Variants in KLHL20 observed in about 807,000 individuals in gnomAD.
KLHL20 encodes kelch-like protein 20.
Under a neutral mutation model 69.5 loss-of-function variants are expected in KLHL20, and 29 were observed. That is an observed-to-expected ratio of 0.42 (90% CI 0.31 to 0.57). The LOEUF is 0.57. KLHL20 is among the 20% of genes least tolerant of loss of function. The probability of loss-of-function intolerance (pLI) is 0.18; values close to 1 mark genes in which losing one functional copy is unlikely to be tolerated. For synonymous variants in KLHL20, 253 were observed against 265.2 expected, an observed-to-expected ratio of 0.95 and a Z score of 0.45; for missense variants, 419 against 776.0, an observed-to-expected ratio of 0.54 and a Z score of 5.47.
At chr1:173,715,881 G>A (rs1440826819) in intron 1 of KLHL20, 122 bp from the exon 2 acceptor site, 7 of 642,760 alleles carry the variant, frequency 1.1e-5, no homozygotes, top group Non-Finnish European at 1.9e-5. Flanking sequence ...CAGAAGGCCT[G>A]TGGTATAATA....
In KLHL20 at chr1:173,753,069, A is replaced by T. The variant is rs1443913287; in HGVS notation, c.757-144A>T. On this transcript the variant is annotated intron_variant, in intron 4 of 11. Coordinates refer to ENST00000209884, the MANE Select transcript of KLHL20 (RefSeq NM_014458.4). Reference sequence around the variant, plus strand: ...GCACTTGTAGTTGCAGCTACTCTGGAGGCTGAGGTAGGCACATCACTTGAG... The same window carrying T: ...GCACTTGTAGTTGCAGCTACTCTGGTGGCTGAGGTAGGCACATCACTTGAG... The T allele has an allele frequency of 5.0e-6, 3 of 602,488 alleles. No homozygotes were observed. In the African/African-American group the frequency reaches 5.6e-5, roughly 11 times the overall value. The allele number at this position is 602,488 out of a possible 1,614,324, so 37.3% of individuals were successfully genotyped here. A position where few individuals can be genotyped will look rare whatever the true frequency, so the allele number is the denominator to read the frequency against.
At position 173,734,305 on chromosome 1, in the gene KLHL20, TC is replaced by T; in HGVS notation, c.597+21del. 2 of 1,605,662 alleles carry T rather than the reference TC, an allele frequency of 1.2e-6. No individual in the cohort carries two copies. Among genetic ancestry groups the T allele is most frequent in the Non-Finnish European group, 1.7e-6 (2 of 1,172,336 alleles). On this transcript the variant is annotated intron_variant, in intron 3 of 11. Transcript: ENST00000209884. ...TCAAGAGGTGAGTTGCACTTGGTGT[TC>T]CAATGCACCCATTTGTTGGAGAGCA...
intron 8 of KLHL20, among the ~76,000 whole-genome samples, chr1:173,766,778 TA>T (rs915268127): frequency 6.6e-6 from 1 of 152,218 alleles, no homozygotes; most frequent in African/African-American, 2.4e-5. Flanking sequence ...ATGAAAGATC[TA>T]AAAAAAGTTT....
chr1:173,765,111 A>T (rs1279048185), intron 7 of KLHL20, among the ~76,000 whole-genome samples: 1 of 147,318 alleles, frequency 6.8e-6, no homozygotes, highest in African/African-American at 2.6e-5. Flanking sequence ...TTAAGTCATC[A>T]CTGAAAAGGC....
chr1:173,724,040 ATTTTGATGAG>A (rs1671834977), intron 2 of KLHL20, among the ~76,000 whole-genome samples: 2 of 152,294 alleles, frequency 1.3e-5, no homozygotes, highest in Non-Finnish European at 2.9e-5. Flanking sequence ...TTATGTATAC[ATTTTGATGAG>A]TTTGGGCATA....
chr1:173,770,200 G>A (rs1204553641), intron 8 of KLHL20, among the ~76,000 whole-genome samples: 1 of 151,924 alleles, frequency 6.6e-6, no homozygotes, highest in Non-Finnish European at 1.5e-5. Context: ...TTCAAAATGT[G>A]ATAAAAGACA....
intron 8 of KLHL20, among the ~76,000 whole-genome samples, chr1:173,772,854 C>T (rs775843625): frequency 3.9e-5 from 6 of 152,150 alleles, no homozygotes; most frequent in Non-Finnish European, 7.3e-5. Flanking sequence ...GCACTATGAA[C>T]GTACAGTCAA....
At chr1:173,767,164 T>A (rs920533356) in intron 8 of KLHL20, among the ~76,000 whole-genome samples, 2 of 152,226 alleles carry the variant, frequency 1.3e-5, no homozygotes, top group African/African-American at 4.8e-5. Context: ...TGTCTTTCTG[T>A]GTTTAGCTTG....
In KLHL20 at chr1:173,742,688, A is replaced by G. The variant is rs370154721; in HGVS notation, c.597+8402A>G. Among the ~76,000 whole-genome samples, 19 of 151,170 alleles carry G rather than the reference A, an allele frequency of 1.3e-4. No individual in the cohort carries two copies. The East Asian group carries it at 3.1e-3, about 25-fold the overall frequency. On this transcript the variant is annotated intron_variant, in intron 3 of 11. Coordinates refer to ENST00000209884, the MANE Select transcript of KLHL20 (RefSeq NM_014458.4). ...ATGTGTATATATATGCATATATCGT[A>G]TGTATATGTGTACATATACATATGT...
At chr1:173,724,135 TATACAC>T (rs1179505708) in intron 2 of KLHL20, among the ~76,000 whole-genome samples, 5 of 151,946 alleles carry the variant, frequency 3.3e-5, no homozygotes, top group Admixed American at 6.6e-5. Flanking sequence ...TTTATATATA[TATACAC>T]ATACACATAC....
At chr1:173,731,102 A>C (rs1672253087) in intron 2 of KLHL20, among the ~76,000 whole-genome samples, 1 of 152,266 alleles carries the variant, frequency 6.6e-6, no homozygotes, top group Non-Finnish European at 1.5e-5. Flanking sequence ...TGCAGCCAAA[A>C]GACACATGAA....
rs183782014 is a variant in KLHL20, at chr1:173,765,818, C to A, written c.1152-328C>A. 2.7e-3 allele frequency among the ~76,000 whole-genome samples: 418 copies of A among 152,008 alleles called. 3 individuals carry two copies. Among genetic ancestry groups the A allele is most frequent in the African/African-American group, 9.4e-3 (389 of 41,448 alleles). On this transcript the variant is annotated intron_variant, in intron 7 of 11. Coordinates refer to ENST00000209884, the MANE Select transcript of KLHL20 (RefSeq NM_014458.4). Reference sequence around the variant, plus strand: ...ATAAAGAAATATATATATGTGGATACATATATACCTATATGAAAGCATTTT... The same window carrying A: ...ATAAAGAAATATATATATGTGGATAAATATATACCTATATGAAAGCATTTT...
At chr1:173,742,765 C>T (rs560049957) in intron 3 of KLHL20, among the ~76,000 whole-genome samples, 30 of 150,228 alleles carry the variant, frequency 2.0e-4, no homozygotes, top group South Asian at 1.9e-3. Context: ...TATATATACA[C>T]GTATATTTCA....
At chr1:173,758,927 G>A (rs536424359) in intron 7 of KLHL20, among the ~76,000 whole-genome samples, 10 of 152,322 alleles carry the variant, frequency 6.6e-5, no homozygotes, top group African/African-American at 2.4e-4. Flanking sequence ...ACCGGCAGGG[G>A]GAAAACTAAA....
At chr1:173,745,643 A>G (rs548279274) in intron 3 of KLHL20, among the ~76,000 whole-genome samples, 7 of 152,312 alleles carry the variant, frequency 4.6e-5, no homozygotes, top group African/African-American at 1.7e-4. Flanking sequence ...GAATCCTATT[A>G]TATCACCTGC....
At chr1:173,748,776 C>T (rs1424616789) in intron 3 of KLHL20, among the ~76,000 whole-genome samples, 1 of 151,914 alleles carries the variant, frequency 6.6e-6, no homozygotes, top group Admixed American at 6.6e-5. Context: ...AAAAAGAATT[C>T]TCTGCTTCAG....
intron 3 of KLHL20, among the ~76,000 whole-genome samples, chr1:173,735,810 C>T (rs565451402): frequency 6.6e-6 from 1 of 152,212 alleles, no homozygotes; most frequent in South Asian, 2.1e-4. Flanking sequence ...GACTTTGCAT[C>T]CTCATAGCTT....
At chr1:173,740,283 C>T (rs147173475) in intron 3 of KLHL20, among the ~76,000 whole-genome samples, 29 of 151,646 alleles carry the variant, frequency 1.9e-4, no homozygotes, top group Non-Finnish European at 3.1e-4. Flanking sequence ...CCACCACGCC[C>T]GGCCAATTTT....
intron 3 of KLHL20, among the ~76,000 whole-genome samples, chr1:173,740,492 A>C (rs1235039987): frequency 6.6e-6 from 1 of 151,540 alleles, no homozygotes; most frequent in African/African-American, 2.4e-5. Flanking sequence ...TAGATTGTCT[A>C]TTTGTACTCT....
Sources: allele counts gnomAD v4.1 joint callset (sites outside exome capture counted in the v4.1 genomes callset), GRCh38; gene constraint gnomAD v4.1.1; transcripts MANE v1.5; gene names NCBI Gene and HGNC (gene_info 2026-07-23, HGNC 2026-07-21).